TDRD12: variants seen among roughly 807,000 people sequenced by gnomAD.
TDRD12 encodes the protein putative ATP-dependent RNA helicase TDRD12.
TDRD12 carries 158 observed loss-of-function variants against 133.5 expected under a neutral mutation model. That is an observed-to-expected ratio of 1.18 (90% CI 1.04 to 1.35). The LOEUF is 1.35. Among genes scored for constraint, TDRD12 ranks in the 40% most tolerant of loss-of-function variants. The pLI is 0.00. For synonymous variants in TDRD12, 460 were observed against 477.9 expected, an observed-to-expected ratio of 0.96 and a Z score of 0.49; for missense variants, 1,443 against 1,321.3, an observed-to-expected ratio of 1.09 and a Z score of -1.43.
At chr19:32,757,197 TTAGAAAGGTTGTC>T in intron 8 of TDRD12, 67 bp downstream of exon 8, 1 of 1,305,660 alleles carries the variant, frequency 7.7e-7, no homozygotes, top group Non-Finnish European at 1.1e-6. Flanking sequence ...TTTTTAAAGA[TTAGAAAGGTTGTC>T]TAGAAAGGCC....
In TDRD12 at chr19:32,826,264, G is replaced by A. The variant is rs1368879634; in HGVS notation, c.803G>A (p.Trp268Ter). 2.1e-6 allele frequency: 3 copies of A among 1,460,324 alleles called. No homozygotes were observed. Among genetic ancestry groups the A allele is most frequent in the Non-Finnish European group, 2.7e-6 (3 of 1,107,210 alleles). The allele number at this position is 1,460,324 out of a possible 1,614,324, so 90.5% of individuals were successfully genotyped here. A position where few individuals can be genotyped will look rare whatever the true frequency, so the allele number is the denominator to read the frequency against. Residue 268 changes from tryptophan (W) to a stop codon, truncating the protein, a stop_gained, in exon 8 of 10, where the codon TGG (tryptophan) becomes TAG (stop). Coordinates refer to the TDRD12 transcript ENST00000637289. LOFTEE classifies it high-confidence loss of function. The stretch of plus-strand genomic sequence containing the variant: ...TCTAGCTTCCACCCACAAATAAAAT[G>A]GTTCCAAAAAGAAGATGTCGTCATC...
intron 10 of TDRD12, among the ~76,000 whole-genome samples, chr19:32,773,793 T>C (rs1411092346): frequency 6.6e-6 from 1 of 152,180 alleles, no homozygotes; most frequent in South Asian, 2.1e-4. Flanking sequence ...GATTGGAAAA[T>C]AGTCCATTTT....
chr19:32,805,891 C>T (rs997347221), intron 21 of TDRD12, among the ~76,000 whole-genome samples: 1 of 151,886 alleles, frequency 6.6e-6, no homozygotes, highest in African/African-American at 2.4e-5. Flanking sequence ...GCCACCATGC[C>T]TGGCTAATTT....
At chr19:32,807,290 A>C (rs1971580652) in intron 21 of TDRD12, among the ~76,000 whole-genome samples, 1 of 143,312 alleles carries the variant, frequency 7.0e-6, no homozygotes. Context: ...AAAAAAAAAA[A>C]AAAAAAGAAA....
At chr19:32,777,338 C>A in intron 11 of TDRD12, 109 bp downstream of exon 11, 2 of 756,232 alleles carry the variant, frequency 2.6e-6, no homozygotes, top group Non-Finnish European at 2.0e-6. Context: ...GCATTCCCAT[C>A]AAAAAATAAA....
intron 1 of TDRD12, among the ~76,000 whole-genome samples, chr19:32,722,190 G>A (rs1185635517): frequency 6.6e-6 from 1 of 152,180 alleles, no homozygotes; most frequent in African/African-American, 2.4e-5. Flanking sequence ...GATGTTGTCT[G>A]TCAGTCCTAA....
At chr19:32,790,783 G>A (rs2145662202) in intron 12 of TDRD12, 181 bp from the exon 13 acceptor site, 1 of 1,487,444 alleles carries the variant, frequency 6.7e-7, no homozygotes, top group Middle Eastern at 1.7e-4. Flanking sequence ...TTGTTTTTTG[G>A]ATAATAAACG....
In TDRD12 at chr19:32,810,192, T is replaced by G. The variant is rs537268250; in HGVS notation, c.2752T>G (p.Tyr918Asp). The change falls in exon 23 of 28, where the codon TAT becomes GAT. Residue 918 changes from tyrosine (Y) to aspartate (D), a missense_variant. Coordinates refer to ENST00000444215, the Ensembl canonical transcript of TDRD12. ...AACTCTCAATGCTGAAATGAATGAG[T>G]ATTTTAAGGATTCTAATAAAACAAC... The G allele has an allele frequency of 2.0e-5, 31 of 1,536,010 alleles. No individual in the cohort carries two copies. The South Asian group carries it at 2.5e-4, about 12-fold the overall frequency.
At chr19:32,812,468 A>G (rs1454405711) in intron 24 of TDRD12, among the ~76,000 whole-genome samples, 1 of 147,234 alleles carries the variant, frequency 6.8e-6, no homozygotes, top group Non-Finnish European at 1.5e-5. Context: ...TATCCAGGAA[A>G]TAAACAAGTG....
exon 1 of TDRD12, chr19:32,719,873 C>G (rs953833882): frequency 6.0e-5 from 38 of 632,314 alleles, no homozygotes; most frequent in Non-Finnish European, 8.9e-5. Context: ...CGCATTGCCT[C>G]GAGCCGACCC....
intron 12 of TDRD12, 147 bp downstream of exon 12, chr19:32,790,738 G>A (rs936545843): frequency 6.2e-5 from 95 of 1,531,622 alleles, no homozygotes; most frequent in Admixed American, 1.5e-4. Context: ...TTTTAGAAAC[G>A]ATCGAATGGA....
chr19:32,807,052 G>A (rs1017711199), intron 21 of TDRD12, among the ~76,000 whole-genome samples: 4 of 152,090 alleles, frequency 2.6e-5, no homozygotes, highest in Admixed American at 1.3e-4. Context: ...GTTAGAGATC[G>A]ATTGCCCTTT....
intron 11 of TDRD12, among the ~76,000 whole-genome samples, chr19:32,782,491 A>G (rs1288690046): frequency 6.6e-6 from 1 of 152,156 alleles, no homozygotes; most frequent in African/African-American, 2.4e-5. Flanking sequence ...AAGTAATGGG[A>G]ATGCTGGGTC....
At chr19:32,784,837 T>C (rs1027171506) in intron 11 of TDRD12, among the ~76,000 whole-genome samples, 2 of 152,204 alleles carry the variant, frequency 1.3e-5, no homozygotes, top group African/African-American at 4.8e-5. Context: ...ATATCCCCTT[T>C]ATCATTTTTT....
chr19:32,791,528 TA>T (rs1971071503), intron 13 of TDRD12, among the ~76,000 whole-genome samples: 1 of 152,156 alleles, frequency 6.6e-6, no homozygotes, highest in African/African-American at 2.4e-5. Context: ...GATAGGAAGC[TA>T]AAACAACCAG....
At chr19:32,755,196 G>A (rs945904742) in intron 6 of TDRD12, among the ~76,000 whole-genome samples, 1 of 152,198 alleles carries the variant, frequency 6.6e-6, no homozygotes, top group African/African-American at 2.4e-5. Flanking sequence ...GTGGCCATAG[G>A]CCCCTTACAG....
chr19:32,739,076 G>A (rs1969313114), intron 3 of TDRD12, 84 bp downstream of exon 3: 2 of 1,477,292 alleles, frequency 1.4e-6, no homozygotes, highest in African/African-American at 2.8e-5. Context: ...AAAGTACGGG[G>A]CTAGAGGTCA....
chr19:32,792,968 C>T (rs1971115225), intron 13 of TDRD12, among the ~76,000 whole-genome samples: 1 of 152,144 alleles, frequency 6.6e-6, no homozygotes, highest in African/African-American at 2.4e-5. Context: ...CGCAGATTGC[C>T]TGAGCTCAGG....
Position 32,800,363 on chromosome 19 carries a change from C to CT in TDRD12, c.1950+8dup. 6.6e-7 allele frequency: 1 copy of CT among 1,505,888 alleles called. No homozygotes were observed. The highest frequency in any genetic ancestry group is 1.3e-5 in the South Asian group (1 of 78,030). 93.3% of individuals were successfully genotyped at this position (1,505,888 alleles called of 1,614,324 possible). The stretch of plus-strand genomic sequence containing the variant: ...CTCTATGGCAATGTCCAACAGGTAA[C>CT]TTTGTGTGTATGTGTATGTGTATGT... On this transcript the variant is annotated splice_donor_region_variant and intron_variant, in intron 17 of 27. Coordinates refer to ENST00000444215, the Ensembl canonical transcript of TDRD12.
Sources: allele counts gnomAD v4.1 joint callset (sites outside exome capture counted in the v4.1 genomes callset), GRCh38; gene constraint gnomAD v4.1.1; transcripts MANE v1.5; gene names NCBI Gene and HGNC (gene_info 2026-07-23, HGNC 2026-07-21).